Variants in MOK observed in about 807,000 individuals in gnomAD.
The protein encoded by MOK is MAPK/MAK/MRK overlapping kinase.
Under a neutral mutation model 54.2 loss-of-function variants are expected in MOK, and 59 were observed. The ratio of observed to expected loss-of-function variants is 1.09; its 90% CI spans 0.88 to 1.35. MOK has a LOEUF of 1.35. MOK is among the 40% of genes most tolerant of loss of function. The probability of loss-of-function intolerance (pLI) is 0.00; values close to 1 mark genes in which losing one functional copy is unlikely to be tolerated. For missense variants in MOK, 517 were observed against 526.2 expected, an observed-to-expected ratio of 0.98 and a Z score of 0.17; for synonymous variants, 210 against 202.7, an observed-to-expected ratio of 1.04 and a Z score of -0.31.
downstream of MOK, chr14:102,226,451 A>C (rs1485995885): frequency 1.4e-6 from 1 of 702,542 alleles, no homozygotes; most frequent in Non-Finnish European, 2.6e-6. This position sits in a 1 kb window ranked among gnomAD's most constrained non-coding sequence, Gnocchi z 4.8. Context: ...TGCACAGAAG[A>C]ATGGAAATAA....
downstream of MOK, among the ~76,000 whole-genome samples, chr14:102,228,543 C>CA (rs1014264581): frequency 1.3e-5 from 2 of 151,888 alleles, no homozygotes; most frequent in African/African-American, 2.4e-5. Context: ...ACTAAAAATA[C>CA]AAAAAAATCA....
chr14:102,304,148 G>A (rs2072526052), intron 1 of MOK, among the ~76,000 whole-genome samples: 1 of 152,164 alleles, frequency 6.6e-6, no homozygotes, highest in Non-Finnish European at 1.5e-5. Flanking sequence ...GTACACCATT[G>A]ACAATTAGGA....
chr14:102,250,367 G>A (rs1250203736), intron 7 of MOK, among the ~76,000 whole-genome samples: 1 of 152,164 alleles, frequency 6.6e-6, no homozygotes, highest in African/African-American at 2.4e-5. Flanking sequence ...GGGAGTGGGG[G>A]GTTTGGAGGA....
chr14:102,285,228 C>T (rs1028841548), intron 1 of MOK, among the ~76,000 whole-genome samples: 8 of 152,054 alleles, frequency 5.3e-5, no homozygotes, highest in African/African-American at 1.9e-4. Flanking sequence ...GTAAAAGAGG[C>T]CTTCACTTCA....
chr14:102,296,701 C>A (rs1352369319), intron 1 of MOK, among the ~76,000 whole-genome samples: 2 of 152,112 alleles, frequency 1.3e-5, no homozygotes, highest in Non-Finnish European at 2.9e-5. Flanking sequence ...AGGAGGACCA[C>A]CAGATCCCAG....
chr14:102,283,700 C>CCTG, intron 1 of MOK, 108 bp from the exon 2 acceptor site: 1 of 637,996 alleles, frequency 1.6e-6, no homozygotes, highest in East Asian at 2.8e-5. Context: ...CAGCAATATA[C>CCTG]TGAGAATTGT....
At chr14:102,220,926 A>T (rs1233495152), downstream of MOK, among the ~76,000 whole-genome samples, 3 of 151,850 alleles carry the variant, frequency 2.0e-5, no homozygotes, top group South Asian at 6.3e-4. The surrounding 1 kb of genome is among the most constrained non-coding windows in gnomAD (Gnocchi z 4.2). Flanking sequence ...GTGCGCCACC[A>T]CACCCGGCTA....
At chr14:102,216,518 T>G in the MOK span, among the ~76,000 whole-genome samples, 28 of 152,198 alleles carry the variant, frequency 1.8e-4, no homozygotes, top group African/African-American at 6.3e-4. Context: ...AGGCTAGCAC[T>G]GAGTAGATTT....
At chr14:102,291,404 G>C (rs148414218) in intron 1 of MOK, among the ~76,000 whole-genome samples, 13 of 152,232 alleles carry the variant, frequency 8.5e-5, no homozygotes, top group Non-Finnish European at 1.8e-4. Context: ...GTTTCTTGAG[G>C]AGCCTCCAAA....
At chr14:102,266,532 G>T (rs1231970522) in intron 2 of MOK, among the ~76,000 whole-genome samples, 1 of 152,014 alleles carries the variant, frequency 6.6e-6, no homozygotes, top group East Asian at 1.9e-4. Flanking sequence ...TTACAAGCGT[G>T]AGCCACTGTG....
chr14:102,253,066 G>A (rs754076460), intron 4 of MOK, among the ~76,000 whole-genome samples: 1 of 152,198 alleles, frequency 6.6e-6, no homozygotes, highest in African/African-American at 2.4e-5. Context: ...TCTAGCACAC[G>A]TGGTTTTTCT....
downstream of MOK, chr14:102,222,765 G>T: frequency 6.3e-7 from 1 of 1,584,762 alleles, no homozygotes; most frequent in Non-Finnish European, 8.7e-7. The surrounding 1 kb of genome is among the most constrained non-coding windows in gnomAD (Gnocchi z 4.4). Flanking sequence ...CTGGCGGAGG[G>T]CGCGCATGGT....
chr14:102,289,464 C>A (rs188229503), intron 1 of MOK, among the ~76,000 whole-genome samples: 117 of 152,174 alleles, frequency 7.7e-4, no homozygotes, highest in Non-Finnish European at 1.4e-3. Flanking sequence ...CCCTCCTGCT[C>A]TCGGGTTTTC....
intron 2 of MOK, among the ~76,000 whole-genome samples, chr14:102,277,696 T>C (rs1358853040): frequency 1.3e-5 from 2 of 150,976 alleles, no homozygotes; most frequent in Non-Finnish European, 2.9e-5. Flanking sequence ...TTAAAGGAGG[T>C]GGACACAAGA....
chr14:102,267,121 T>G (rs1327456469), intron 2 of MOK, among the ~76,000 whole-genome samples: 4 of 152,236 alleles, frequency 2.6e-5, no homozygotes, highest in Non-Finnish European at 5.9e-5. Context: ...CCAGAAATTT[T>G]CATCTCAGGG....
At chr14:102,246,282 G>C (rs1046706204) in intron 7 of MOK, 1 of 151,940 alleles carries the variant, frequency 6.6e-6, no homozygotes, top group Non-Finnish European at 1.5e-5. Context: ...TTCCACCCAC[G>C]GAACGACACC....
At chr14:102,287,222 A>G (rs1003975326) in intron 1 of MOK, among the ~76,000 whole-genome samples, 5 of 152,182 alleles carry the variant, frequency 3.3e-5, no homozygotes, top group African/African-American at 7.2e-5. Context: ...TCATCCCAGC[A>G]CTTTGGGAAG....
chr14:102,270,376 T>G (rs2153146471), intron 2 of MOK, among the ~76,000 whole-genome samples: 1 of 152,164 alleles, frequency 6.6e-6, no homozygotes, highest in South Asian at 2.1e-4. Context: ...CCAAGGTGGG[T>G]GGATCACGAG....
At chr14:102,227,171 C>T (rs558748203), downstream of MOK, among the ~76,000 whole-genome samples, 33 of 152,288 alleles carry the variant, frequency 2.2e-4, no homozygotes, top group African/African-American at 7.7e-4. Context: ...AAAGACTTTC[C>T]CTTCATATTT....
Sources: allele counts gnomAD v4.1 joint callset (sites outside exome capture counted in the v4.1 genomes callset), GRCh38; gene constraint gnomAD v4.1.1; non-coding constraint Gnocchi (gnomAD v3.1); transcripts MANE v1.5; gene names NCBI Gene and HGNC (gene_info 2026-07-23, HGNC 2026-07-21).